MAP3K2: variants seen among roughly 807,000 people sequenced by gnomAD.
MAP3K2 encodes the protein MAP/ERK kinase kinase 2.
MAP3K2 carries 24 observed loss-of-function variants against 80.3 expected under a neutral mutation model. The observed-to-expected ratio is 0.30, with a 90% CI of 0.22 to 0.42. MAP3K2 has a LOEUF of 0.42. Ranked by LOEUF, MAP3K2 falls within the 10% of genes least tolerant of loss-of-function variation. MAP3K2 has a pLI of 1.00. For synonymous variants in MAP3K2, 244 were observed against 253.7 expected (o/e 0.96, Z 0.36); for missense variants, 608 against 750.1 (o/e 0.81, Z 2.21).
chr2:127,355,002 CAAAA>C (rs994648312), intron 1 of MAP3K2, among the ~76,000 whole-genome samples: 39 of 151,898 alleles, frequency 2.6e-4, no homozygotes, highest in Non-Finnish European at 4.4e-5. Context: ...ATAATGATGA[CAAAA>C]AATAAAACCA....
intron 1 of MAP3K2, among the ~76,000 whole-genome samples, chr2:127,383,208 C>T (rs1687279955): frequency 6.6e-6 from 1 of 152,220 alleles, no homozygotes; most frequent in East Asian, 1.9e-4. Context: ...CACCAGGCCC[C>T]ACTTCCAACA....
chr2:127,368,495 G>A (rs542042539), intron 1 of MAP3K2, among the ~76,000 whole-genome samples: 78 of 151,536 alleles, frequency 5.1e-4, no homozygotes, highest in African/African-American at 1.5e-3. Context: ...GGTGGCATGC[G>A]CCTGTAGTCC....
At chr2:127,372,256 G>A (rs558946091) in intron 1 of MAP3K2, among the ~76,000 whole-genome samples, 15 of 152,174 alleles carry the variant, frequency 9.9e-5, no homozygotes, top group South Asian at 4.2e-4. Flanking sequence ...TTCTTCCCCC[G>A]GGATCAAAGA....
rs907580934 is a variant in MAP3K2, at chr2:127,342,773, G to C, written c.4+353C>G. Among the ~76,000 whole-genome samples, 61 of 152,104 alleles carry C rather than the reference G, an allele frequency of 4.0e-4. 1 individual carries two copies. The highest frequency in any genetic ancestry group is 1.4e-3 in the African/African-American group (57 of 41,396). Reference sequence around the variant, plus strand: ...ACATTATACCACAATATACGACCAAGAGTTGTATAACATATTCTCCCTGAG... The same window carrying C: ...ACATTATACCACAATATACGACCAACAGTTGTATAACATATTCTCCCTGAG... On this transcript the variant is annotated intron_variant, in intron 2 of 16. Coordinates refer to ENST00000682094, the MANE Select transcript of MAP3K2 (RefSeq NM_001371910.2).
At chr2:127,357,384 G>C (rs1686814764) in intron 1 of MAP3K2, among the ~76,000 whole-genome samples, 1 of 152,176 alleles carries the variant, frequency 6.6e-6, no homozygotes, top group Non-Finnish European at 1.5e-5. Context: ...AACTACTAAG[G>C]AAGGTGAAGC....
In MAP3K2 at chr2:127,304,593, C is replaced by T. The variant is rs529362906; in HGVS notation, c.*2986G>A. ...TTCCAGCGTCAGCAAAGAAGCATTA[C>T]AGTATAGAAGAATCAATTGTGCATT... On this transcript the variant is annotated 3_prime_UTR_variant, in exon 17 of 17. Transcript: ENST00000682094. The T allele has an allele frequency of 6.6e-6, 1 of 152,630 alleles. No individual in the cohort carries two copies. Among genetic ancestry groups the T allele is most frequent in the Admixed American group, 6.5e-5 (1 of 15,282 alleles). 9.5% of individuals were successfully genotyped at this position (152,630 alleles called of 1,614,324 possible).
rs70985451 is a variant in MAP3K2 at position 127,369,468 on chromosome 2, T to TAA, written c.-66+17982_-66+17983dup. On this transcript the variant is annotated intron_variant, in intron 1 of 16. Coordinates refer to ENST00000682094, the MANE Select transcript of MAP3K2 (RefSeq NM_001371910.2). ...TAACACGGTGAAACCCCGTCTCTAC[T>TAA]AAAAAAAAAAAAAAAAAAAAAAAAA... Among the ~76,000 whole-genome samples the TAA allele has an allele frequency of 3.9e-3, 127 of 32,744 alleles. 2 individuals are homozygous for TAA. The highest frequency in any genetic ancestry group is 8.2e-3 in the African/African-American group (70 of 8,518). The allele number at this position is 32,744 out of a possible 152,430, so 21.5% of individuals were successfully genotyped here.
In MAP3K2 at chr2:127,310,703, A is replaced by G. The variant is rs1315794029; in HGVS notation, c.1457-1941T>C. 6.6e-6 allele frequency among the ~76,000 whole-genome samples: 1 copy of G among 152,088 alleles called. No individual in the cohort carries two copies. The highest frequency in any genetic ancestry group is 1.9e-4 in the East Asian group (1 of 5,196). On this transcript the variant is annotated intron_variant, in intron 15 of 16. Transcript: ENST00000682094. The surrounding 1 kb of genome is among the most constrained non-coding windows in gnomAD (Gnocchi z 4.8). ...TGGGCACTAGGCTCACTTGTTTTTTATTCTCTATTTTCACTCTTATCATTT... is the reference window on the plus strand; with the variant it reads ...TGGGCACTAGGCTCACTTGTTTTTTGTTCTCTATTTTCACTCTTATCATTT...
In MAP3K2 at chr2:127,325,722, C is replaced by T; in HGVS notation, c.677+6G>A. 1.9e-6 allele frequency: 3 copies of T among 1,605,526 alleles called. No individual in the cohort carries two copies. The highest frequency in any genetic ancestry group is 2.6e-6 in the Non-Finnish European group (3 of 1,172,970). ...TAAACCCTCCAAAAACTACGATAAA[C>T]ATTACCCATCCAAAGGACTATCAAG... On this transcript the variant is annotated splice_donor_region_variant and intron_variant, in intron 9 of 16. Coordinates refer to ENST00000682094, the MANE Select transcript of MAP3K2 (RefSeq NM_001371910.2).
intron 4 of MAP3K2, 59 bp from the exon 5 acceptor site, chr2:127,336,028 CA>C (rs1686364246): frequency 1.1e-6 from 1 of 949,520 alleles, no homozygotes; most frequent in African/African-American, 1.6e-5. Context: ...AATAAACTTG[CA>C]AAAGTTACCT....
At chr2:127,316,337 G>A (rs1685903861) in intron 14 of MAP3K2, among the ~76,000 whole-genome samples, 2 of 152,196 alleles carry the variant, frequency 1.3e-5, no homozygotes, top group Non-Finnish European at 2.9e-5. Context: ...TCGTGCCATT[G>A]CTCAGCCTGG....
chr2:127,372,677 CTCTT>C (rs1301233246), intron 1 of MAP3K2, among the ~76,000 whole-genome samples: 1 of 152,138 alleles, frequency 6.6e-6, no homozygotes, highest in Non-Finnish European at 1.5e-5. Flanking sequence ...CTCTGCAGAC[CTCTT>C]TCTAATAATG....
intron 4 of MAP3K2, among the ~76,000 whole-genome samples, chr2:127,337,120 C>G (rs763448392): frequency 6.6e-6 from 1 of 151,546 alleles, no homozygotes; most frequent in African/African-American, 2.4e-5. Context: ...CCAGCCTGGG[C>G]GACAGAGTAA....
rs556325959 is a variant in MAP3K2, at chr2:127,300,189, A to C, written c.*7390T>G. 26 of 152,308 alleles carry C rather than the reference A, an allele frequency of 1.7e-4. No homozygotes were observed. The highest frequency in any genetic ancestry group is 3.4e-3 in the Middle Eastern group (1 of 292). 9.4% of individuals were successfully genotyped at this position (152,308 alleles called of 1,614,324 possible). ...TTGAAAGAAGTTAAAACATAAAGACACAGACAGTAGTTCAATGCACGCATT... is the reference window on the plus strand; with the variant it reads ...TTGAAAGAAGTTAAAACATAAAGACCCAGACAGTAGTTCAATGCACGCATT... On this transcript the variant is annotated 3_prime_UTR_variant, in exon 17 of 17. Coordinates refer to ENST00000682094, the MANE Select transcript of MAP3K2 (RefSeq NM_001371910.2).
At chr2:127,353,416 C>A (rs1239600621) in intron 1 of MAP3K2, among the ~76,000 whole-genome samples, 1 of 151,054 alleles carries the variant, frequency 6.6e-6, no homozygotes, top group Admixed American at 6.6e-5. Flanking sequence ...GGAGACCCTC[C>A]GCCCGGCAGC....
chr2:127,352,456 G>C (rs1686707540), intron 1 of MAP3K2, among the ~76,000 whole-genome samples: 1 of 152,012 alleles, frequency 6.6e-6, no homozygotes, highest in South Asian at 2.1e-4. Flanking sequence ...GCTATTAAAT[G>C]CCAGTGTCAT....
At chr2:127,319,752 T>A (rs2104818311) in intron 12 of MAP3K2, among the ~76,000 whole-genome samples, 1 of 138,788 alleles carries the variant, frequency 7.2e-6, no homozygotes, top group East Asian at 2.1e-4. Context: ...TGCGGGAGAA[T>A]CGCTTGAACC....
At chr2:127,378,124 GA>G (rs1234241537) in intron 1 of MAP3K2, 4 of 971,570 alleles carry the variant, frequency 4.1e-6, no homozygotes, top group East Asian at 1.1e-4. Context: ...GATACTGAGA[GA>G]AGATGACAGA....
At chr2:127,356,337 C>A (rs1318845536) in intron 1 of MAP3K2, among the ~76,000 whole-genome samples, 2 of 151,952 alleles carry the variant, frequency 1.3e-5, no homozygotes, top group African/African-American at 4.8e-5. Flanking sequence ...AAATGCATTT[C>A]TTTTTCTTTT....
Sources: allele counts gnomAD v4.1 joint callset (sites outside exome capture counted in the v4.1 genomes callset), GRCh38; gene constraint gnomAD v4.1.1; non-coding constraint Gnocchi (gnomAD v3.1); transcripts MANE v1.5; gene names NCBI Gene and HGNC (gene_info 2026-07-23, HGNC 2026-07-21).